Variants in DIP2B observed in about 807,000 individuals in gnomAD.
The protein encoded by DIP2B is disco-interacting protein 2 homolog B.
In DIP2B, 76 loss-of-function variants were observed where a neutral mutation model predicts 198.0. That is an observed-to-expected ratio of 0.38 (90% CI 0.32 to 0.46). The LOEUF (loss-of-function observed/expected upper bound fraction) is 0.46, where lower values mean the gene tolerates loss of function less well. Ranked by LOEUF, DIP2B falls within the 20% of genes least tolerant of loss-of-function variation. The pLI, the probability that DIP2B is intolerant of heterozygous loss-of-function variation, is 0.99. For missense variants in DIP2B, 1,559 were observed against 1,978.4 expected, an observed-to-expected ratio of 0.79 and a Z score of 4.02; for synonymous variants, 701 against 739.1, an observed-to-expected ratio of 0.95 and a Z score of 0.84.
At chr12:50,569,653 T>C (rs1958596190) in intron 1 of DIP2B, among the ~76,000 whole-genome samples, 1 of 152,232 alleles carries the variant, frequency 6.6e-6, no homozygotes, top group Non-Finnish European at 1.5e-5. Context: ...CTGTTTTCTT[T>C]TGACTTCTCA....
intron 1 of DIP2B, among the ~76,000 whole-genome samples, chr12:50,532,237 G>A (rs956553270): frequency 6.6e-6 from 1 of 152,166 alleles, no homozygotes; most frequent in Non-Finnish European, 1.5e-5. Flanking sequence ...AGTGTTGGCC[G>A]GGTGCGGTGG....
At chr12:50,714,179 CTCT>C (rs1482285202) in intron 22 of DIP2B, among the ~76,000 whole-genome samples, 1 of 152,188 alleles carries the variant, frequency 6.6e-6, no homozygotes, top group Non-Finnish European at 1.5e-5. Context: ...TATCTTACCT[CTCT>C]TCTTTTAATC....
intron 1 of DIP2B, among the ~76,000 whole-genome samples, chr12:50,593,310 T>G (rs560314058): frequency 1.9e-3 from 295 of 152,128 alleles, no homozygotes; most frequent in South Asian, 4.2e-3. Flanking sequence ...ATCGAGACCA[T>G]CCTGGCCAAC....
intron 30 of DIP2B, among the ~76,000 whole-genome samples, chr12:50,729,700 A>G (rs947361973): frequency 6.0e-5 from 9 of 149,910 alleles, no homozygotes; most frequent in African/African-American, 2.2e-4. Context: ...GAGGATCCAT[A>G]TTTCCTTTCT....
chr12:50,665,911 G>A (rs1184318743), intron 4 of DIP2B, among the ~76,000 whole-genome samples: 3 of 152,160 alleles, frequency 2.0e-5, no homozygotes, highest in African/African-American at 7.2e-5. Context: ...GTATCAGTCA[G>A]TTAATTTGAA....
intron 1 of DIP2B, among the ~76,000 whole-genome samples, chr12:50,566,826 G>A (rs1398447628): frequency 6.6e-6 from 1 of 152,082 alleles, no homozygotes; most frequent in Non-Finnish European, 1.5e-5. Context: ...CAAAAAATTA[G>A]CCAGGCGTGG....
At chr12:50,695,200 A>G in intron 14 of DIP2B, 67 bp from the exon 15 acceptor site, 3 of 1,293,338 alleles carry the variant, frequency 2.3e-6, no homozygotes, top group Non-Finnish European at 3.3e-6. Flanking sequence ...ACAAAATACC[A>G]GCTCAATTTT....
chr12:50,726,919 C>T (rs1939947269), intron 28 of DIP2B, among the ~76,000 whole-genome samples: 2 of 152,066 alleles, frequency 1.3e-5, no homozygotes, highest in Non-Finnish European at 2.9e-5. Context: ...TGGAGACTAG[C>T]CTGGGCAATA....
At chr12:50,625,409 G>C (rs1414012889) in intron 1 of DIP2B, among the ~76,000 whole-genome samples, 2 of 152,206 alleles carry the variant, frequency 1.3e-5, no homozygotes, top group Non-Finnish European at 1.5e-5. Flanking sequence ...TTTGTGGAAA[G>C]GAGAGCCACA....
At position 50,741,449 on chromosome 12, in the gene DIP2B, T is replaced by A; in HGVS notation, c.4388T>A (p.Leu1463Gln). The A allele has an allele frequency of 6.2e-7, 1 of 1,614,164 alleles. No individual in the cohort carries two copies. Among genetic ancestry groups the A allele is most frequent in the Non-Finnish European group, 8.5e-7 (1 of 1,180,030 alleles). ...RHDALYVVGALDETLELRGLR... is the reference protein window; with the variant it reads ...RHDALYVVGAQDETLELRGLR... ...GATGCATTGTATGTGGTGGGAGCGC[T>A]GGATGAAACACTGGAGCTGAGAGGA... Residue 1463 changes from leucine to glutamine, a missense_variant, in exon 37 of 38, where the codon CTG becomes CAG. Coordinates refer to ENST00000301180, the MANE Select transcript of DIP2B (RefSeq NM_173602.3).
intron 1 of DIP2B, among the ~76,000 whole-genome samples, chr12:50,590,349 T>G (rs537107868): frequency 6.6e-6 from 1 of 151,972 alleles, no homozygotes; most frequent in African/African-American, 2.4e-5. Context: ...TTGAGGACAG[T>G]TGTGGCCCAA....
chr12:50,686,656 G>T lies in DIP2B; in HGVS notation c.1525G>T (p.Ala509Ser). The T allele has an allele frequency of 6.2e-7, 1 of 1,614,020 alleles. No individual in the cohort carries two copies. The highest frequency in any genetic ancestry group is 8.5e-7 in the Non-Finnish European group (1 of 1,179,984). Residue 509 changes from alanine (A) to serine (S), a missense_variant, in exon 12 of 38, where the codon GCT (alanine) becomes TCT (serine). Transcript: ENST00000301180. The part of the protein sequence containing the change: ...PKDWQPHISP[A>S]GTEPAYIEYK... ...AGACTGGCAGCCACACATCTCACCT[G>T]CTGGGACAGAACCGGCATACATTGA...
At chr12:50,676,682 T>C (rs528087432) in intron 7 of DIP2B, among the ~76,000 whole-genome samples, 1 of 152,316 alleles carries the variant, frequency 6.6e-6, no homozygotes, top group African/African-American at 2.4e-5. Context: ...ATTGTCACCT[T>C]TGGAAAAGAA....
chr12:50,733,228 T>C (rs1940077763), intron 32 of DIP2B, among the ~76,000 whole-genome samples: 1 of 143,632 alleles, frequency 7.0e-6, no homozygotes, highest in Non-Finnish European at 1.5e-5. Context: ...TTTCTGTCTC[T>C]ATATTCTATA....
intron 23 of DIP2B, among the ~76,000 whole-genome samples, chr12:50,717,562 T>C (rs1034674478): frequency 5.3e-5 from 8 of 151,512 alleles, no homozygotes; most frequent in Non-Finnish European, 1.2e-4. Flanking sequence ...AGAGACAGGG[T>C]TTCACCGCGT....
chr12:50,673,672 C>T (rs115329714), intron 5 of DIP2B, among the ~76,000 whole-genome samples: 1,626 of 152,066 alleles, frequency 0.011, 22 homozygotes, highest in African/African-American at 0.038. Flanking sequence ...CTGTGGTCCC[C>T]ATACTTGGGA....
At chr12:50,698,303 A>G (rs1308122858) in intron 17 of DIP2B, 25 bp from the exon 18 acceptor site, 1 of 1,597,548 alleles carries the variant, frequency 6.3e-7, no homozygotes, top group South Asian at 1.1e-5. Context: ...TTCATTCACC[A>G]AACTTGATGG....
rs755471480 is a variant in DIP2B, at chr12:50,699,170, G to A, written c.2293G>A (p.Gly765Arg). The change falls in exon 19 of 38, where the codon GGG becomes AGG. Residue 765 changes from glycine to arginine, a missense_variant. Physicochemically the swap from Gly to Arg is moderately radical, Grantham distance 125. Transcript: ENST00000301180. ...SSRTGGMMYF[G>R]LAGVTKNTFE... ...CAGAACTGGAGGCATGATGTACTTT[G>A]GGCTTGCTGGTGTGACAAAAAATAC... The A allele has an allele frequency of 2.5e-6, 4 of 1,614,158 alleles. No homozygotes were observed. The South Asian group carries it at 4.4e-5, about 18-fold the overall frequency.
At chr12:50,620,292 C>G (rs1247080664) in intron 1 of DIP2B, among the ~76,000 whole-genome samples, 2 of 152,162 alleles carry the variant, frequency 1.3e-5, no homozygotes, top group Non-Finnish European at 2.9e-5. Flanking sequence ...CTCTCTCAAT[C>G]AACTTGAAGA....
Sources: gnomAD v4.1 joint callset for allele counts (sites outside exome capture counted in the v4.1 genomes callset) on GRCh38, gnomAD v4.1.1 for gene constraint, MANE v1.5 for transcripts, NCBI Gene and HGNC (gene_info 2026-07-23, HGNC 2026-07-21) for gene names.